Variants in BCAS3 observed in about 807,000 individuals in gnomAD.
BCAS3 encodes BCAS4/BCAS3 fusion.
In BCAS3, 53 loss-of-function variants were observed where a neutral mutation model predicts 116.1. That is an observed-to-expected ratio of 0.46 (90% CI 0.37 to 0.57). The LOEUF is 0.57. Among genes scored for constraint, BCAS3 ranks in the 20% least tolerant of loss-of-function variants. The pLI, the probability that BCAS3 is intolerant of heterozygous loss-of-function variation, is 0.00. For synonymous variants in BCAS3, 391 were observed against 408.2 expected (o/e 0.96, Z 0.51); for missense variants, 917 against 1,165.4 (o/e 0.79, Z 3.10).
intron 22 of BCAS3, among the ~76,000 whole-genome samples, chr17:61,108,855 T>C (rs926099787): frequency 4.6e-5 from 7 of 152,090 alleles, no homozygotes; most frequent in East Asian, 1.9e-4. Flanking sequence ...TGAGAACATA[T>C]GATGTTTGGT....
chr17:61,296,589 A>G (rs1026700811), intron 22 of BCAS3, among the ~76,000 whole-genome samples: 27 of 152,202 alleles, frequency 1.8e-4, no homozygotes, highest in African/African-American at 5.8e-4. Flanking sequence ...AGTTATTACT[A>G]TGTTTTTCTG....
rs1389720943 is a variant in BCAS3 at position 61,198,762 on chromosome 17, A to T, written c.2425+114198A>T. 6.6e-6 allele frequency among the ~76,000 whole-genome samples: 1 copy of T among 152,254 alleles called. No homozygotes were observed. The highest frequency in any genetic ancestry group is 1.5e-5 in the Non-Finnish European group (1 of 68,046). On this transcript the variant is annotated intron_variant, in intron 22 of 23. Coordinates refer to ENST00000407086, the MANE Select transcript of BCAS3 (RefSeq NM_017679.5). The surrounding 1 kb of genome is among the most constrained non-coding windows in gnomAD (Gnocchi z 5.0). The stretch of plus-strand genomic sequence containing the variant: ...CAAACCTTAAGTGTAAAAATGAGAC[A>T]GAGGCTTAGAGGTGTCCTCGGAATT...
At chr17:60,924,272 T>C (rs1165556014) in intron 12 of BCAS3, 135 bp from the exon 13 acceptor site, 5 of 683,496 alleles carry the variant, frequency 7.3e-6, no homozygotes, top group Admixed American at 2.6e-5. Context: ...TCTCTCCTTA[T>C]ATTGGCAAGA....
chr17:60,977,400 C>T (rs2062474624), intron 14 of BCAS3, among the ~76,000 whole-genome samples: 1 of 152,026 alleles, frequency 6.6e-6, no homozygotes, highest in Non-Finnish European at 1.5e-5. Flanking sequence ...CCAGGCTTAT[C>T]TCTCTGGCTT....
At chr17:60,808,245 T>C (rs1172826062) in intron 7 of BCAS3, among the ~76,000 whole-genome samples, 169 bp downstream of exon 7, 2 of 152,240 alleles carry the variant, frequency 1.3e-5, no homozygotes, top group African/African-American at 4.8e-5. Flanking sequence ...ATGACATTTA[T>C]TGATGCTATA....
At chr17:60,825,726 G>A (rs1388264656) in intron 7 of BCAS3, among the ~76,000 whole-genome samples, 1 of 151,702 alleles carries the variant, frequency 6.6e-6, no homozygotes, top group Non-Finnish European at 1.5e-5. Context: ...GGGCAAAAAA[G>A]GGCCTAGGGT....
intron 11 of BCAS3, among the ~76,000 whole-genome samples, chr17:60,906,659 C>G (rs2058206655): frequency 6.6e-6 from 1 of 152,184 alleles, no homozygotes; most frequent in Non-Finnish European, 1.5e-5. Flanking sequence ...TCAGTACCTT[C>G]AAGCAGCATT....
At chr17:61,372,402 T>G (rs970649200) in intron 23 of BCAS3, among the ~76,000 whole-genome samples, 23 of 152,224 alleles carry the variant, frequency 1.5e-4, no homozygotes, top group Admixed American at 1.4e-3. Flanking sequence ...TGGCAATCTC[T>G]GCTTCCGTGT....
At chr17:60,854,736 C>T (rs2053502124) in intron 7 of BCAS3, among the ~76,000 whole-genome samples, 1 of 152,116 alleles carries the variant, frequency 6.6e-6, no homozygotes, top group African/African-American at 2.4e-5. Flanking sequence ...AACACTTTTA[C>T]ACTGTTGGTG....
In BCAS3 at chr17:61,378,750, T is replaced by A. The variant is rs912073825; in HGVS notation, c.2593+10256T>A. 1 of 152,172 alleles carries A rather than the reference T, an allele frequency of 6.6e-6. No individual in the cohort carries two copies. The highest frequency in any genetic ancestry group is 1.5e-5 in the Non-Finnish European group (1 of 68,038). 9.4% of individuals were successfully genotyped at this position (152,172 alleles called of 1,614,324 possible). A position where few individuals can be genotyped will look rare whatever the true frequency, so the allele number is the denominator to read the frequency against. ...AAGCCAGTCAAAGCAATGGGAATAG[T>A]TATTGATTAAAAGTCACACTTGTTA... On this transcript the variant is annotated intron_variant, in intron 23 of 23. Coordinates refer to ENST00000407086, the MANE Select transcript of BCAS3 (RefSeq NM_017679.5). The surrounding 1 kb of genome is among the most constrained non-coding windows in gnomAD (Gnocchi z 5.8).
At chr17:61,305,943 A>T (rs1394716173) in intron 22 of BCAS3, among the ~76,000 whole-genome samples, 1 of 152,146 alleles carries the variant, frequency 6.6e-6, no homozygotes, top group African/African-American at 2.4e-5. Context: ...CCCTGTCTTG[A>T]TCCCCTGGTG....
rs2047552415 is a variant in BCAS3 at position 61,241,878 on chromosome 17, AT to A, written c.2426-126448del. 6.6e-6 allele frequency among the ~76,000 whole-genome samples: 1 copy of A among 152,190 alleles called. No homozygotes were observed. The highest frequency in any genetic ancestry group is 2.4e-5 in the African/African-American group (1 of 41,446). The stretch of plus-strand genomic sequence containing the variant: ...ATCTGAGAGCTTTCATAATAGTATA[AT>A]ATTCAGGTTTTTTCTTGTTTGTTTG... On this transcript the variant is annotated intron_variant, in intron 22 of 23. Transcript: ENST00000407086. The surrounding 1 kb of genome is among the most constrained non-coding windows in gnomAD (Gnocchi z 4.6).
intron 14 of BCAS3, among the ~76,000 whole-genome samples, chr17:60,954,127 C>G (rs1308506200): frequency 6.6e-6 from 1 of 152,020 alleles, no homozygotes; most frequent in African/African-American, 2.4e-5. Context: ...GAGTCCTTTC[C>G]CCATTGCTTG....
intron 14 of BCAS3, among the ~76,000 whole-genome samples, chr17:60,965,691 T>C (rs2061624437): frequency 6.6e-6 from 1 of 152,224 alleles, no homozygotes; most frequent in African/African-American, 2.4e-5. Flanking sequence ...TTTTAGTCCA[T>C]TGTGGCCAGA....
intron 15 of BCAS3, among the ~76,000 whole-genome samples, chr17:60,992,951 G>A (rs770524830): frequency 7.9e-5 from 12 of 152,152 alleles, no homozygotes; most frequent in Non-Finnish European, 1.5e-4. Context: ...TACACATGGA[G>A]CAGCTAGGTC....
rs1041270553 is a variant in BCAS3, at chr17:61,213,196, G to A, written c.2425+128632G>A. ...TTTTTGTTTTTTGTTTTGAGATTGA[G>A]TCTCACTCTGTCACCCAGGCTGGAG... On this transcript the variant is annotated intron_variant, in intron 22 of 23. Transcript: ENST00000407086. The surrounding 1 kb of genome is among the most constrained non-coding windows in gnomAD (Gnocchi z 5.4). 1.6e-4 allele frequency among the ~76,000 whole-genome samples: 24 copies of A among 151,958 alleles called. No individual in the cohort carries two copies. Among genetic ancestry groups the A allele is most frequent in the African/African-American group, 5.6e-4 (23 of 41,344 alleles).
At position 60,990,123 on chromosome 17, in the gene BCAS3, C is replaced by T. The variant is rs748494439; in HGVS notation, c.1374C>T (p.Phe458=). 1.2e-5 allele frequency: 19 copies of T among 1,614,034 alleles called. No homozygotes were observed. The highest frequency in any genetic ancestry group is 1.6e-5 in the Non-Finnish European group (19 of 1,180,042). ...GAGTAGTGAATCGCATGAGCCGTTTCCAGAAAAGTGCTGGACTGGAAGAGA... is the reference window on the plus strand; with the variant it reads ...GAGTAGTGAATCGCATGAGCCGTTTTCAGAAAAGTGCTGGACTGGAAGAGA... The part of the protein sequence containing the change: ...SPRVVNRMSR[F]QKSAGLEEIE... Residue 458 remains phenylalanine, a synonymous_variant, in exon 15 of 24, where the codon TTC becomes TTT. Transcript: ENST00000407086. The surrounding 1 kb of genome is among the most constrained non-coding windows in gnomAD (Gnocchi z 5.1).
rs979329221 is a variant in BCAS3, at chr17:61,248,250, A to G, written c.2426-120077A>G. Among the ~76,000 whole-genome samples the G allele has an allele frequency of 5.3e-5, 8 of 152,194 alleles. 1 individual carries two copies. Among genetic ancestry groups the G allele is most frequent in the Admixed American group, 5.2e-4 (8 of 15,280 alleles). The stretch of plus-strand genomic sequence containing the variant: ...TTTGAGTCCTTCTGAAGACTGGAGC[A>G]CATAAAGGCCTGATTTTTTCTTCTG... On this transcript the variant is annotated intron_variant, in intron 22 of 23. Transcript: ENST00000407086. This position sits in a 1 kb window ranked among gnomAD's most constrained non-coding sequence, Gnocchi z 4.3.
intron 19 of BCAS3, among the ~76,000 whole-genome samples, chr17:61,044,478 A>ATATATATATATATATATATG (rs1568205824): frequency 2.0e-5 from 3 of 146,514 alleles, no homozygotes; most frequent in African/African-American, 8.0e-5. Context: ...ATATATATAT[A>ATATATATATATATATATATG]TGCCATAAGA....
Sources: allele counts gnomAD v4.1 joint callset (sites outside exome capture counted in the v4.1 genomes callset), GRCh38; gene constraint gnomAD v4.1.1; non-coding constraint Gnocchi (gnomAD v3.1); transcripts MANE v1.5; gene names NCBI Gene and HGNC (gene_info 2026-07-23, HGNC 2026-07-21).